MINAR2: variants seen among roughly 807,000 people sequenced by gnomAD.
MINAR2 encodes the protein membrane integral NOTCH2 associated receptor 2.
Under a neutral mutation model 16.1 loss-of-function variants are expected in MINAR2, and 21 were observed. The ratio of observed to expected loss-of-function variants is 1.31; its 90% CI spans 0.93 to 1.88. The LOEUF (loss-of-function observed/expected upper bound fraction) is 1.88. Among genes scored for constraint, MINAR2 ranks in the 40% most tolerant of loss-of-function variants. MINAR2 has a pLI of 0.00. For missense variants in MINAR2, 259 were observed against 229.8 expected, an observed-to-expected ratio of 1.13 and a Z score of -0.82; for synonymous variants, 86 against 83.0, an observed-to-expected ratio of 1.04 and a Z score of -0.20.
At chr5:129,760,329 C>CGATA (rs1239831647) in intron 1 of MINAR2, 49 bp from the exon 2 acceptor site, 7 of 1,379,476 alleles carry the variant, frequency 5.1e-6, no homozygotes, top group Non-Finnish European at 7.0e-6. Context: ...GCATTCCCTA[C>CGATA]TATCAGAAGG....
At chr5:129,761,270 G>T (rs1224370418) in intron 2 of MINAR2, among the ~76,000 whole-genome samples, 3 of 152,174 alleles carry the variant, frequency 2.0e-5, no homozygotes, top group Admixed American at 2.0e-4. Context: ...CAAGGAAGCA[G>T]CCCTCTGTTT....
At position 129,752,835 on chromosome 5, in the gene MINAR2, G is replaced by T. The variant is rs377755254; in HGVS notation, c.165+4480G>T. Among the ~76,000 whole-genome samples the T allele has an allele frequency of 7.5e-4, 113 of 151,240 alleles. 3 individuals are homozygous for T. In the South Asian group the frequency reaches 0.017, roughly 22 times the overall value. On this transcript the variant is annotated intron_variant, in intron 1 of 2. Transcript: ENST00000564719. ...TTAATTTTCTAATTAGCAGTTGCACGTCAGAATATTTTCAGACTAACTCCT... is the reference window on the plus strand; with the variant it reads ...TTAATTTTCTAATTAGCAGTTGCACTTCAGAATATTTTCAGACTAACTCCT...
rs1218295499 is a variant in MINAR2 at position 129,765,570 on chromosome 5, A to G, written c.*507A>G. The stretch of plus-strand genomic sequence containing the variant: ...TTGTGCTGCCAACTGAGTTAGATTC[A>G]TTCTCTGTTTTATTTTCCTGTATTT... On this transcript the variant is annotated 3_prime_UTR_variant, in exon 3 of 3. Coordinates refer to ENST00000564719, the MANE Select transcript of MINAR2 (RefSeq NM_001257308.2). 6.6e-6 allele frequency: 1 copy of G among 152,264 alleles called. No homozygotes were observed. The highest frequency in any genetic ancestry group is 6.5e-5 in the Admixed American group (1 of 15,276). The allele number at this position is 152,264 out of a possible 1,614,324, so 9.4% of individuals were successfully genotyped here.
chr5:129,762,191 T>C (rs1758145460), intron 2 of MINAR2, among the ~76,000 whole-genome samples: 1 of 152,002 alleles, frequency 6.6e-6, no homozygotes, highest in East Asian at 1.9e-4. Context: ...AAAAAATCTG[T>C]ACCCCAAATT....
rs1758224593 is a variant in MINAR2, at chr5:129,766,665, CAAACAAAA to C, written c.*1606_*1613del. ...AAAAAAAAAAAAAAAAACAAACAAA[CAAACAAAA>C]AAAACCCCAAAAAAAGAGACAGTTT... On this transcript the variant is annotated 3_prime_UTR_variant, in exon 3 of 3. Coordinates refer to ENST00000564719, the MANE Select transcript of MINAR2 (RefSeq NM_001257308.2). 3 of 120,178 alleles carry C rather than the reference CAAACAAAA, an allele frequency of 2.5e-5. No individual in the cohort carries two copies. The highest frequency in any genetic ancestry group is 7.5e-5 in the African/African-American group (2 of 26,578). 7.4% of individuals were successfully genotyped at this position (120,178 alleles called of 1,614,324 possible). A position where few individuals can be genotyped will look rare whatever the true frequency, so the allele number is the denominator to read the frequency against.
chr5:129,760,700 A>G (rs910567598), intron 2 of MINAR2, 95 bp downstream of exon 2: 7 of 906,228 alleles, frequency 7.7e-6, no homozygotes, highest in African/African-American at 6.7e-5. Flanking sequence ...GGTACTCTTC[A>G]CTAGGCGCAG....
At chr5:129,755,251 T>C (rs1285031582) in intron 1 of MINAR2, among the ~76,000 whole-genome samples, 1 of 152,120 alleles carries the variant, frequency 6.6e-6, no homozygotes, top group African/African-American at 2.4e-5. Flanking sequence ...TTCAGCAATA[T>C]TGCATTTATA....
At chr5:129,760,207 A>G (rs6896490) in intron 1 of MINAR2, among the ~76,000 whole-genome samples, 171 bp from the exon 2 acceptor site, 143,463 of 152,190 alleles carry the variant, frequency 0.94, 67,722 homozygotes, top group East Asian at 1. Flanking sequence ...AAACTCAATT[A>G]ATGTTAGATT....
In MINAR2 at chr5:129,760,449, C is replaced by T. The variant is rs1396378016; in HGVS notation, c.237C>T (p.Ser79=). The change falls in exon 2 of 3, where the codon AGC becomes AGT. Residue 79 remains serine, a synonymous_variant. Coordinates refer to ENST00000564719, the MANE Select transcript of MINAR2 (RefSeq NM_001257308.2). ...CAGACAGCCTTGTCACTGCTGATAG[C>T]CCCCCACCATCCATGTCATCAGTTA... ...SSADSLVTAD[S]PPPSMSSVMK... 2.0e-6 allele frequency: 3 copies of T among 1,535,600 alleles called. No individual in the cohort carries two copies. The highest frequency in any genetic ancestry group is 1.7e-4 in the Middle Eastern group (1 of 6,002).
rs1207489229 is a variant in MINAR2, at chr5:129,765,775, C to A, written c.*712C>A. ...CCAATTTATCCAAATTGGCTGTGAC[C>A]CCTGGTGGCAGTCAGTGTGCATATA... On this transcript the variant is annotated 3_prime_UTR_variant, in exon 3 of 3. Transcript: ENST00000564719. 2 of 151,972 alleles carry A rather than the reference C, an allele frequency of 1.3e-5. No individual in the cohort carries two copies. Among genetic ancestry groups the A allele is most frequent in the Non-Finnish European group, 2.9e-5 (2 of 68,016 alleles). 9.4% of individuals were successfully genotyped at this position (151,972 alleles called of 1,614,324 possible).
intron 1 of MINAR2, among the ~76,000 whole-genome samples, chr5:129,750,135 T>A (rs1441164765): frequency 6.6e-6 from 1 of 152,178 alleles, no homozygotes; most frequent in Non-Finnish European, 1.5e-5. Flanking sequence ...GCACAAAGTA[T>A]GAGTAACAAC....
intron 2 of MINAR2, among the ~76,000 whole-genome samples, chr5:129,764,396 G>A (rs1035171623): frequency 3.9e-5 from 6 of 152,126 alleles, no homozygotes; most frequent in East Asian, 1.9e-4. Context: ...GTCAGCTTCC[G>A]GGTTTACTGA....
In MINAR2 at chr5:129,748,116, G is replaced by A. The variant is rs1367466610; in HGVS notation, c.-75G>A. 4.4e-6 allele frequency: 6 copies of A among 1,377,110 alleles called. No individual in the cohort carries two copies. Among genetic ancestry groups the A allele is most frequent in the Non-Finnish European group, 5.9e-6 (6 of 1,019,228 alleles). 85.3% of individuals were successfully genotyped at this position (1,377,110 alleles called of 1,614,324 possible). A position where few individuals can be genotyped will look rare whatever the true frequency, so the allele number is the denominator to read the frequency against. ...TTCAGATGCAGTCAGAGCATCCTCA[G>A]GCACATTAATAATGGAGGAGTCTGA... On this transcript the variant is annotated 5_prime_UTR_variant, in exon 1 of 3. Coordinates refer to ENST00000564719, the MANE Select transcript of MINAR2 (RefSeq NM_001257308.2).
At chr5:129,760,111 GA>G (rs1758110637) in intron 1 of MINAR2, among the ~76,000 whole-genome samples, 1 of 152,118 alleles carries the variant, frequency 6.6e-6, no homozygotes, top group Admixed American at 6.6e-5. Flanking sequence ...TTGAATTAGA[GA>G]GTAAAGAAGG....
At chr5:129,764,716 A>G (rs2149547394) in intron 2 of MINAR2, among the ~76,000 whole-genome samples, 168 bp from the exon 3 acceptor site, 1 of 151,946 alleles carries the variant, frequency 6.6e-6, no homozygotes, top group African/African-American at 2.4e-5. Context: ...TATGCTATTC[A>G]AGGAAGCCTC....
At chr5:129,756,895 T>C (rs1438341469) in intron 1 of MINAR2, among the ~76,000 whole-genome samples, 2 of 148,414 alleles carry the variant, frequency 1.3e-5, no homozygotes, top group South Asian at 4.3e-4. Flanking sequence ...AGCTTGAGTT[T>C]CATTAGGTTT....
intron 1 of MINAR2, among the ~76,000 whole-genome samples, chr5:129,753,459 G>C (rs1370305350): frequency 1.6e-5 from 2 of 128,802 alleles, no homozygotes; most frequent in Non-Finnish European, 3.1e-5. Context: ...TTCTAGCCCA[G>C]GCAACAGAGC....
In MINAR2 at chr5:129,760,441, G is replaced by A. The variant is rs2149546542; in HGVS notation, c.229G>A (p.Ala77Thr). 2.6e-6 allele frequency: 4 copies of A among 1,535,824 alleles called. No individual in the cohort carries two copies. The East Asian group carries it at 9.8e-5, about 38-fold the overall frequency. ...ATCCAGTGCAGACAGCCTTGTCACT[G>A]CTGATAGCCCCCCACCATCCATGTC... is the stretch of plus-strand genomic sequence containing the variant. ...RGSSADSLVT[A>T]DSPPPSMSSV... The change falls in exon 2 of 3, where the codon GCT becomes ACT. Residue 77 changes from alanine to threonine, a missense_variant. Ala to Thr is a moderately conservative substitution (Grantham distance 58). Coordinates refer to ENST00000564719, the MANE Select transcript of MINAR2 (RefSeq NM_001257308.2).
rs187281858 is a variant in MINAR2 at position 129,748,283 on chromosome 5, G to C, written c.93G>C (p.Gln31His). ...TAACGAGGAGCTCAGCCCTCCTTCA[G>C]GCCAGCCTGGTGAGGTTTCCGGGTG... is the stretch of plus-strand genomic sequence containing the variant. ...KSLTRSSALL[Q>H]ASLVRFPGGN... The change falls in exon 1 of 3, where the codon CAG (glutamine) becomes CAC (histidine). Residue 31 changes from glutamine (Q) to histidine (H), a missense_variant. By Grantham distance (24) the Gln-to-His change is conservative. Transcript: ENST00000564719. 1.8e-5 allele frequency: 28 copies of C among 1,535,276 alleles called. No individual in the cohort carries two copies. In the East Asian group the frequency reaches 6.8e-4, roughly 38 times the overall value.
Sources: allele counts gnomAD v4.1 joint callset (sites outside exome capture counted in the v4.1 genomes callset), GRCh38; gene constraint gnomAD v4.1.1; transcripts MANE v1.5; gene names NCBI Gene and HGNC (gene_info 2026-07-23, HGNC 2026-07-21).